Variants in FRAS1 observed in about 807,000 individuals in gnomAD.
The protein encoded by FRAS1 is extracellular matrix organizing protein FRAS1.
In FRAS1, 290 loss-of-function variants were observed where a neutral mutation model predicts 435.2. The ratio of observed to expected loss-of-function variants is 0.67; its 90% CI spans 0.61 to 0.73. The LOEUF is 0.73. FRAS1 is among the 30% of genes least tolerant of loss of function. FRAS1 has a pLI of 0.00. For missense variants in FRAS1, 4,860 were observed against 5,001.5 expected, an observed-to-expected ratio of 0.97 and a Z score of 0.85; for synonymous variants, 1,800 against 1,851.0, an observed-to-expected ratio of 0.97 and a Z score of 0.71.
At chr4:78,338,612 T>A (rs902360543) in intron 20 of FRAS1, among the ~76,000 whole-genome samples, 1 of 152,202 alleles carries the variant, frequency 6.6e-6, no homozygotes, top group Non-Finnish European at 1.5e-5. Flanking sequence ...AGGGCTGAAC[T>A]GGGGAGATCC....
chr4:78,450,253 G>T lies in FRAS1; in HGVS notation c.6377G>T (p.Arg2126Leu). 6.2e-7 allele frequency: 1 copy of T among 1,613,588 alleles called. No individual in the cohort carries two copies. Among genetic ancestry groups the T allele is most frequent in the Non-Finnish European group, 8.5e-7 (1 of 1,179,604 alleles). Reference protein sequence around the residue: ...YIMKEDPGAGRLQMMKHGNLE... With the variant: ...YIMKEDPGAGLLQMMKHGNLE... ...ATGAAGGAAGATCCTGGTGCAGGGCGCCTGCAGATGATGAAGCATGGCAAC... is the reference window on the plus strand; with the variant it reads ...ATGAAGGAAGATCCTGGTGCAGGGCTCCTGCAGATGATGAAGCATGGCAAC... Residue 2126 changes from arginine to leucine, a missense_variant, in exon 45 of 74, where the codon CGC (arginine) becomes CTC (leucine). By Grantham distance (102) the Arg-to-Leu change is moderately radical. Transcript: ENST00000512123.
At chr4:78,508,291 A>G (rs958004409) in intron 62 of FRAS1, among the ~76,000 whole-genome samples, 6 of 152,202 alleles carry the variant, frequency 3.9e-5, no homozygotes, top group African/African-American at 1.4e-4. Flanking sequence ...AATGATGATT[A>G]TTTCAAAATG....
In FRAS1 at chr4:78,543,541, CTG is replaced by C. The variant is rs929163889; in HGVS notation, c.*2424_*2425del. 1.3e-5 allele frequency: 2 copies of C among 152,238 alleles called. No homozygotes were observed. Among genetic ancestry groups the C allele is most frequent in the African/African-American group, 2.4e-5 (1 of 41,458 alleles). The allele number at this position is 152,238 out of a possible 1,614,324, so 9.4% of individuals were successfully genotyped here. ...ACAAGGGCAAGAGTGAGATAGGAAA[CTG>C]TGTGTGAAAGGAAAGCCCTTGCAGT... On this transcript the variant is annotated 3_prime_UTR_variant, in exon 74 of 74. Transcript: ENST00000512123.
intron 22 of FRAS1, among the ~76,000 whole-genome samples, chr4:78,366,559 A>G (rs1333963339): frequency 6.6e-6 from 1 of 152,182 alleles, no homozygotes; most frequent in Admixed American, 6.5e-5. Flanking sequence ...GTGGATGACC[A>G]TTTCTTAGAC....
intron 20 of FRAS1, among the ~76,000 whole-genome samples, chr4:78,345,392 A>G (rs1167247417): frequency 6.6e-6 from 1 of 152,122 alleles, no homozygotes; most frequent in Non-Finnish European, 1.5e-5. Context: ...AGCTGTCCTC[A>G]TATCTAATCC....
chr4:78,132,262 CCA>C (rs1719718040), intron 2 of FRAS1, among the ~76,000 whole-genome samples: 1 of 152,208 alleles, frequency 6.6e-6, no homozygotes, highest in Non-Finnish European at 1.5e-5. Context: ...AAAAAAATAA[CCA>C]CATTCCTATT....
At chr4:78,501,153 T>C (rs1720670714) in intron 61 of FRAS1, among the ~76,000 whole-genome samples, 1 of 152,136 alleles carries the variant, frequency 6.6e-6, no homozygotes, top group Non-Finnish European at 1.5e-5. Context: ...TGTGTGATGT[T>C]CCCTGCCCTG....
chr4:78,176,496 T>C (rs1450749048), intron 2 of FRAS1, among the ~76,000 whole-genome samples: 1 of 152,200 alleles, frequency 6.6e-6, no homozygotes, highest in Admixed American at 6.5e-5. Flanking sequence ...AAGAGCTACA[T>C]TGCTTAAATC....
intron 2 of FRAS1, among the ~76,000 whole-genome samples, chr4:78,171,025 A>G (rs1721528048): frequency 6.6e-6 from 1 of 151,944 alleles, no homozygotes; most frequent in Non-Finnish European, 1.5e-5. Context: ...GGCACAGTCA[A>G]GTTCACAATG....
intron 15 of FRAS1, 133 bp downstream of exon 15, chr4:78,308,342 C>A: frequency 1.0e-6 from 1 of 962,604 alleles, no homozygotes; most frequent in Non-Finnish European, 1.5e-6. Flanking sequence ...TGAGATTAAT[C>A]TTTGATTTAG....
intron 4 of FRAS1, 119 bp from the exon 5 acceptor site, chr4:78,252,273 C>T: frequency 4.1e-6 from 4 of 986,752 alleles, no homozygotes. Flanking sequence ...TAGCTTTATT[C>T]CACCTTTCCC....
chr4:78,299,891 G>T (rs1728310392), intron 14 of FRAS1, among the ~76,000 whole-genome samples: 1 of 152,226 alleles, frequency 6.6e-6, no homozygotes, highest in African/African-American at 2.4e-5. Context: ...AAGTGTTCCT[G>T]CAGCAGACCT....
intron 58 of FRAS1, among the ~76,000 whole-genome samples, chr4:78,483,758 A>G (rs1468637181): frequency 2.2e-5 from 2 of 91,234 alleles, no homozygotes; most frequent in Non-Finnish European, 4.2e-5. Flanking sequence ...CCTTCAGGAG[A>G]AAAAAAAAAC....
intron 2 of FRAS1, among the ~76,000 whole-genome samples, chr4:78,179,732 G>A (rs1469738234): frequency 6.6e-6 from 1 of 152,134 alleles, no homozygotes. Flanking sequence ...ATGTCTCTAG[G>A]CATTTAAGGA....
intron 49 of FRAS1, 91 bp downstream of exon 49, chr4:78,464,674 G>A: frequency 7.1e-7 from 1 of 1,416,252 alleles, no homozygotes; most frequent in South Asian, 1.3e-5. Context: ...CCTGATGGTA[G>A]GGAGGAGCTG....
chr4:78,444,826 G>A lies in FRAS1; in HGVS notation c.5666-696G>A, dbSNP rs141055307. On this transcript the variant is annotated intron_variant, in intron 41 of 73. Coordinates refer to ENST00000512123, the MANE Select transcript of FRAS1 (RefSeq NM_025074.7). ...TGGGCATCTCGGTACCTGAATGGTG[G>A]TACCCAAGCGCCTCAGTGCCTGAAT... is the stretch of plus-strand genomic sequence containing the variant. Among the ~76,000 whole-genome samples, 314 of 152,252 alleles carry A rather than the reference G, an allele frequency of 2.1e-3. 1 individual carries two copies. Among genetic ancestry groups the A allele is most frequent in the Non-Finnish European group, 3.7e-3 (252 of 68,018 alleles).
At chr4:78,357,104 T>C (rs533106332) in intron 20 of FRAS1, among the ~76,000 whole-genome samples, 7 of 152,282 alleles carry the variant, frequency 4.6e-5, no homozygotes, top group African/African-American at 1.7e-4. Context: ...TCCCTCCTCT[T>C]GGAACCCTTT....
chr4:78,463,260 A>G (rs1028818708), intron 47 of FRAS1, among the ~76,000 whole-genome samples: 3 of 152,336 alleles, frequency 2.0e-5, no homozygotes, highest in African/African-American at 7.2e-5. Flanking sequence ...ACCATTGTTT[A>G]AAATTTCTTT....
chr4:78,410,043 A>G (rs1387874097), intron 31 of FRAS1, among the ~76,000 whole-genome samples: 1 of 152,204 alleles, frequency 6.6e-6, no homozygotes, highest in Non-Finnish European at 1.5e-5. Context: ...TTAACTTTTC[A>G]TTTTTAGCAC....
Sources: gnomAD v4.1 joint callset for allele counts (sites outside exome capture counted in the v4.1 genomes callset) on GRCh38, gnomAD v4.1.1 for gene constraint, MANE v1.5 for transcripts, NCBI Gene and HGNC (gene_info 2026-07-23, HGNC 2026-07-21) for gene names.